EYS: variants seen among roughly 807,000 people sequenced by gnomAD.
EYS encodes the protein protein eyes shut homolog.
A neutral mutation model predicts 282.1 loss-of-function variants in EYS; 250 were observed. The observed-to-expected ratio is 0.89, with a 90% CI of 0.80 to 0.98. The LOEUF is 0.98. Among genes scored for constraint, EYS ranks in the 50% least tolerant of loss-of-function variants. The pLI, the probability that EYS is intolerant of heterozygous loss-of-function variation, is 0.00. For missense variants in EYS, 4,016 were observed against 3,709.0 expected (o/e 1.08, Z -2.15); for synonymous variants, 1,355 against 1,282.9 (o/e 1.06, Z -1.20).
chr6:64,462,560 A>G (rs1019441452), intron 26 of EYS, among the ~76,000 whole-genome samples: 1 of 152,036 alleles, frequency 6.6e-6, no homozygotes, highest in Admixed American at 6.6e-5. Flanking sequence ...CTAGTTATCT[A>G]GTGTCGCCAC....
chr6:64,474,945 C>T (rs1419787296), intron 26 of EYS, among the ~76,000 whole-genome samples: 1 of 152,152 alleles, frequency 6.6e-6, no homozygotes, highest in Non-Finnish European at 1.5e-5. Flanking sequence ...AAATGGACAG[C>T]CACATTTTCT....
chr6:64,126,722 T>G (rs1773798314), intron 31 of EYS, among the ~76,000 whole-genome samples: 1 of 152,122 alleles, frequency 6.6e-6, no homozygotes, highest in Non-Finnish European at 1.5e-5. Context: ...TAGGTCCTTG[T>G]CAATGTCTGT....
chr6:65,545,770 A>C (rs1005896744), intron 2 of EYS, among the ~76,000 whole-genome samples: 1 of 152,160 alleles, frequency 6.6e-6, no homozygotes, highest in Non-Finnish European at 1.5e-5. Flanking sequence ...GTTAAGAAAG[A>C]CCATCAAATA....
chr6:63,967,190 A>G (rs573003051), intron 35 of EYS, among the ~76,000 whole-genome samples: 45 of 152,314 alleles, frequency 3.0e-4, no homozygotes, highest in African/African-American at 1.0e-3. Context: ...CAGCATAGAC[A>G]TGCTACACTA....
At chr6:65,007,244 C>T (rs2144712) in intron 13 of EYS, among the ~76,000 whole-genome samples, 4,537 of 152,238 alleles carry the variant, frequency 0.03, 157 homozygotes, top group East Asian at 0.18. Context: ...TAATGCTCAT[C>T]GGAAAATGAC....
chr6:64,194,387 C>T (rs6454718), intron 31 of EYS, among the ~76,000 whole-genome samples: 151,545 of 152,294 alleles, frequency 1, 75,405 homozygotes, highest in East Asian at 1. Flanking sequence ...TGTAAACATT[C>T]AAGGGTGTAA....
At chr6:64,547,441 C>T (rs1336493870) in intron 26 of EYS, among the ~76,000 whole-genome samples, 1 of 152,158 alleles carries the variant, frequency 6.6e-6, no homozygotes, top group Non-Finnish European at 1.5e-5. Context: ...TAGGTAGATA[C>T]AGAGTGTTGA....
At chr6:65,384,332 A>G in intron 8 of EYS, 54 bp downstream of exon 8, 1 of 909,890 alleles carries the variant, frequency 1.1e-6, no homozygotes. Flanking sequence ...AGACTAACTG[A>G]GTCTATTGTA....
chr6:64,875,254 G>C (rs1164252140), intron 19 of EYS, among the ~76,000 whole-genome samples: 1 of 151,928 alleles, frequency 6.6e-6, no homozygotes. Flanking sequence ...GAGGAAGTTG[G>C]AGAATTAAAA....
At chr6:63,915,420 G>A (rs1764397258) in intron 35 of EYS, among the ~76,000 whole-genome samples, 1 of 152,150 alleles carries the variant, frequency 6.6e-6, no homozygotes. Flanking sequence ...CAATGCACCT[G>A]GTTACCCAAA....
intron 7 of EYS, among the ~76,000 whole-genome samples, chr6:65,396,198 A>G (rs1402905837): frequency 6.6e-6 from 1 of 152,152 alleles, no homozygotes; most frequent in Non-Finnish European, 1.5e-5. Flanking sequence ...TACTGTCTCA[A>G]CTCAAAGATC....
intron 2 of EYS, among the ~76,000 whole-genome samples, chr6:65,553,066 T>C (rs567794127): frequency 6.6e-6 from 1 of 152,316 alleles, no homozygotes; most frequent in South Asian, 2.1e-4. Context: ...ATGCAAGTGA[T>C]GGCAGATTAA....
chr6:64,901,359 T>C (rs1463002302), intron 18 of EYS, among the ~76,000 whole-genome samples: 4 of 147,942 alleles, frequency 2.7e-5, no homozygotes, highest in East Asian at 2.0e-4. Flanking sequence ...GCAAAATTAA[T>C]CATCTCAAAA....
intron 29 of EYS, among the ~76,000 whole-genome samples, chr6:64,354,287 A>G (rs1407081090): frequency 6.6e-6 from 1 of 151,660 alleles, no homozygotes; most frequent in Non-Finnish European, 1.5e-5. Flanking sequence ...TAATTTTAAA[A>G]TAAGTTCCAA....
At chr6:64,025,635 A>G (rs961571082) in intron 33 of EYS, among the ~76,000 whole-genome samples, 1 of 152,160 alleles carries the variant, frequency 6.6e-6, no homozygotes, top group Non-Finnish European at 1.5e-5. Context: ...TTTTGCCCAA[A>G]GCTCCGTCAT....
At chr6:65,121,264 A>C (rs1775540732) in intron 12 of EYS, among the ~76,000 whole-genome samples, 2 of 152,160 alleles carry the variant, frequency 1.3e-5, no homozygotes. Flanking sequence ...ACACCAAGTA[A>C]GGGAACAGTC....
At chr6:65,185,605 A>G (rs1281895389) in intron 12 of EYS, among the ~76,000 whole-genome samples, 1 of 151,812 alleles carries the variant, frequency 6.6e-6, no homozygotes, top group Non-Finnish European at 1.5e-5. Flanking sequence ...CGTGTAACCT[A>G]CCTTACTTTA....
intron 13 of EYS, among the ~76,000 whole-genome samples, chr6:65,002,761 C>T (rs969499795): frequency 2.0e-5 from 3 of 147,724 alleles, no homozygotes; most frequent in East Asian, 2.1e-4. Context: ...GGCAGAAGAA[C>T]GTAGATTGTG....
Position 65,572,224 on chromosome 6 carries a change from T to C in EYS, c.-333+67554A>G, listed in dbSNP as rs1029326465. Among the ~76,000 whole-genome samples the C allele has an allele frequency of 1.7e-4, 26 of 152,090 alleles. 1 individual carries two copies. The highest frequency in any genetic ancestry group is 6.0e-4 in the African/African-American group (25 of 41,458). The stretch of plus-strand genomic sequence containing the variant: ...TAAATCATGCTGGAATAACTGTATA[T>C]CCTTACGGAGATACAAATTTATATA... On this transcript the variant is annotated intron_variant, in intron 2 of 42. Transcript: ENST00000503581.
Sources: gnomAD v4.1 joint callset for allele counts (sites outside exome capture counted in the v4.1 genomes callset) on GRCh38, gnomAD v4.1.1 for gene constraint, MANE v1.5 for transcripts, NCBI Gene and HGNC (gene_info 2026-07-23, HGNC 2026-07-21) for gene names.